SH3KBP1: variants seen among roughly 807,000 people sequenced by gnomAD.
SH3KBP1 encodes the protein SH3 domain-containing kinase-binding protein 1.
SH3KBP1 carries 8 observed loss-of-function variants against 50.1 expected under a neutral mutation model. That is an observed-to-expected ratio of 0.16 (90% confidence interval 0.09 to 0.29). The LOEUF is 0.29. Among genes scored for constraint, SH3KBP1 ranks in the 10% least tolerant of loss-of-function variants. The pLI is 1.00. For missense variants in SH3KBP1, 377 were observed against 535.2 expected, an observed-to-expected ratio of 0.70 and a Z score of 2.92; for synonymous variants, 227 against 218.6, an observed-to-expected ratio of 1.04 and a Z score of -0.34.
intron 8 of SH3KBP1, among the ~76,000 whole-genome samples, chrX:19,628,677 A>C (rs1245379996): frequency 8.9e-6 from 1 of 112,040 alleles, no homozygotes; most frequent in Non-Finnish European, 1.9e-5. Flanking sequence ...AAAAAATAAT[A>C]AAAGCAAAAT....
chrX:19,801,480 G>A (rs1182793464), intron 2 of SH3KBP1, among the ~76,000 whole-genome samples: 1 of 112,038 alleles, frequency 8.9e-6, no homozygotes, highest in African/African-American at 3.2e-5. Context: ...GTAACTAACC[G>A]GGTAGCCAAG....
At chrX:19,572,298 T>C (rs1266208270) in intron 12 of SH3KBP1, among the ~76,000 whole-genome samples, 1 of 106,667 alleles carries the variant, frequency 9.4e-6, no homozygotes, top group Non-Finnish European at 1.9e-5. Flanking sequence ...TCATATATGT[T>C]ATATATAGTA....
chrX:19,850,314 G>C (rs894182113), intron 1 of SH3KBP1, among the ~76,000 whole-genome samples: 5 of 110,880 alleles, frequency 4.5e-5, no homozygotes, highest in African/African-American at 1.6e-4. Context: ...CTACTGCATA[G>C]CTAGGATTAC....
At chrX:19,825,604 T>C (rs763501492) in intron 2 of SH3KBP1, among the ~76,000 whole-genome samples, 10 of 110,533 alleles carry the variant, frequency 9.0e-5, no homozygotes, top group Non-Finnish European at 1.5e-4. Flanking sequence ...CTGGGCACGG[T>C]GGTTCATGCC....
intron 2 of SH3KBP1, among the ~76,000 whole-genome samples, chrX:19,748,095 G>C (rs915538773): frequency 1.8e-5 from 2 of 112,183 alleles, no homozygotes; most frequent in Non-Finnish European, 3.8e-5. Flanking sequence ...TTCCTCACCG[G>C]TTGCTTCTTT....
chrX:19,673,905 T>C (rs1343953419), intron 6 of SH3KBP1, among the ~76,000 whole-genome samples: 1 of 111,677 alleles, frequency 9.0e-6, no homozygotes, highest in African/African-American at 3.3e-5. Context: ...TCATGCTCAC[T>C]CCTTGTCCAC....
At chrX:19,736,750 C>T (rs1190656998) in intron 3 of SH3KBP1, among the ~76,000 whole-genome samples, 1 of 111,571 alleles carries the variant, frequency 9.0e-6, no homozygotes, top group Non-Finnish European at 1.9e-5. Context: ...TGAGGCTGCA[C>T]ATGGCATCAG....
At chrX:19,826,066 G>A (rs987804756) in intron 2 of SH3KBP1, among the ~76,000 whole-genome samples, 7 of 111,893 alleles carry the variant, frequency 6.3e-5, no homozygotes, top group African/African-American at 2.3e-4. Flanking sequence ...AGCCATCAGG[G>A]CCAAAAAGCT....
At chrX:19,722,569 G>GT (rs1321332083) in intron 3 of SH3KBP1, among the ~76,000 whole-genome samples, 945 of 84,176 alleles carry the variant, frequency 0.011, 21 homozygotes, top group African/African-American at 0.041. Context: ...CGTGCGCACT[G>GT]GTGTGTGTGT....
intron 12 of SH3KBP1, among the ~76,000 whole-genome samples, chrX:19,581,926 G>C (rs1470494125): frequency 1.9e-5 from 2 of 107,828 alleles, no homozygotes; most frequent in Admixed American, 2.0e-4. Flanking sequence ...AATTCTCTCA[G>C]TATAGCCTCC....
At chrX:19,878,505 T>TGTGTGTGTGTGTGAGA (rs1491094714) in intron 1 of SH3KBP1, among the ~76,000 whole-genome samples, 52 of 48,251 alleles carry the variant, frequency 1.1e-3, no homozygotes, top group African/African-American at 2.8e-3. Flanking sequence ...TGTGTGTGTG[T>TGTGTGTGTGTGTGAGA]GAGAGAGAGA....
intron 6 of SH3KBP1, among the ~76,000 whole-genome samples, chrX:19,674,965 G>A (rs745756026): frequency 9.1e-6 from 1 of 110,023 alleles, no homozygotes; most frequent in South Asian, 4.0e-4. Context: ...TATAATCCCA[G>A]CTACTCGGGA....
At chrX:19,558,942 T>C (rs981396963) in intron 13 of SH3KBP1, among the ~76,000 whole-genome samples, 2 of 111,065 alleles carry the variant, frequency 1.8e-5, no homozygotes, top group African/African-American at 6.6e-5. Flanking sequence ...GAGACGTAAG[T>C]GCCAAGAAAA....
intron 5 of SH3KBP1, among the ~76,000 whole-genome samples, chrX:19,693,667 G>C (rs767409734): frequency 7.2e-5 from 8 of 111,703 alleles, no homozygotes; most frequent in African/African-American, 2.6e-4. Context: ...TAAATGGGAA[G>C]ACCATTCCGC....
intron 1 of SH3KBP1, among the ~76,000 whole-genome samples, chrX:19,869,531 G>A (rs1281456829): frequency 8.9e-6 from 1 of 112,408 alleles, no homozygotes; most frequent in Non-Finnish European, 1.9e-5. Flanking sequence ...AAGAGAGAAG[G>A]AATCTGAGCA....
chrX:19,845,145 G>A (rs1603277572), intron 1 of SH3KBP1, among the ~76,000 whole-genome samples: 1 of 109,055 alleles, frequency 9.2e-6, no homozygotes, highest in East Asian at 3.0e-4. Flanking sequence ...CTTTTTAAGT[G>A]AAAAAGAAAG....
At chrX:19,678,906 G>C (rs1008041727) in intron 6 of SH3KBP1, among the ~76,000 whole-genome samples, 35 of 111,619 alleles carry the variant, frequency 3.1e-4, no homozygotes, top group Non-Finnish European at 5.5e-4. Context: ...ACTCCCTAAC[G>C]AGTCTCACAA....
chrX:19,864,530 G>C (rs150623913), intron 1 of SH3KBP1, among the ~76,000 whole-genome samples: 2,055 of 111,814 alleles, frequency 0.018, 47 homozygotes, highest in African/African-American at 0.063. Flanking sequence ...AAGGACCTGG[G>C]TCACTGTTGG....
At chrX:19,775,807 T>C (rs1315125763) in intron 2 of SH3KBP1, among the ~76,000 whole-genome samples, 1 of 111,788 alleles carries the variant, frequency 8.9e-6, no homozygotes, top group African/African-American at 3.3e-5. Context: ...TTCAGGAAAA[T>C]TACCTTCTCG....
Sources: gnomAD v4.1 joint callset for allele counts (sites outside exome capture counted in the v4.1 genomes callset) on GRCh38, gnomAD v4.1.1 for gene constraint, MANE v1.5 for transcripts, NCBI Gene and HGNC (gene_info 2026-07-23, HGNC 2026-07-21) for gene names.